Variants in IL7R observed in about 807,000 individuals in gnomAD.
IL7R encodes interleukin-7 receptor subunit alpha.
IL7R carries 38 observed loss-of-function variants against 47.0 expected under a neutral mutation model. The observed-to-expected ratio is 0.81, with a 90% CI of 0.62 to 1.06. The LOEUF (loss-of-function observed/expected upper bound fraction) is 1.06, where lower values mean the gene tolerates loss of function less well. Among genes scored for constraint, IL7R ranks in the 50% least tolerant of loss-of-function variants. The pLI is 0.00. For synonymous variants in IL7R, 221 were observed against 199.8 expected (o/e 1.11, Z -0.89); for missense variants, 633 against 534.8 (o/e 1.18, Z -1.81).
chr5:35,873,280 C>A, intron 4 of IL7R, 200 bp from the exon 5 acceptor site: 1 of 623,898 alleles, frequency 1.6e-6, no homozygotes, highest in Admixed American at 2.4e-5. Context: ...TGACCACTCA[C>A]AACATCCTTT....
intron 2 of IL7R, among the ~76,000 whole-genome samples, chr5:35,866,084 GTCTT>G (rs1759931694): frequency 6.6e-6 from 1 of 152,058 alleles, no homozygotes; most frequent in Admixed American, 6.6e-5. Flanking sequence ...TTGAGGAAGT[GTCTT>G]TCTATTTCTT....
chr5:35,868,476 G>C (rs914979347), intron 3 of IL7R, among the ~76,000 whole-genome samples: 1 of 152,208 alleles, frequency 6.6e-6, no homozygotes, highest in African/African-American at 2.4e-5. Context: ...TAGTAGAAAA[G>C]AGACATTAGG....
At chr5:35,863,007 C>T (rs760835767) in intron 2 of IL7R, among the ~76,000 whole-genome samples, 1 of 152,014 alleles carries the variant, frequency 6.6e-6, no homozygotes, top group Non-Finnish European at 1.5e-5. Context: ...ATCTGTCTAG[C>T]TTACCCAAAA....
At position 35,877,246 on chromosome 5, in the gene IL7R, T is replaced by C. The variant is rs1760242508; in HGVS notation, c.*760T>C. ...CGGGACAATGAGCAAAAACTAGGAC[T>C]GTCCCCAGACAAATGTGAACATACA... On this transcript the variant is annotated 3_prime_UTR_variant, in exon 8 of 8. Transcript: ENST00000303115. 3 of 233,110 alleles carry C rather than the reference T, an allele frequency of 1.3e-5. No individual in the cohort carries two copies. The highest frequency in any genetic ancestry group is 3.6e-4 in the South Asian group (2 of 5,526). 14.4% of individuals were successfully genotyped at this position (233,110 alleles called of 1,614,324 possible). A position where few individuals can be genotyped will look rare whatever the true frequency, so the allele number is the denominator to read the frequency against.
rs1760292325 is a variant in IL7R at position 35,879,264 on chromosome 5, C to T, written c.*2778C>T. The T allele has an allele frequency of 4.3e-6, 1 of 232,738 alleles. No individual in the cohort carries two copies. Among genetic ancestry groups the T allele is most frequent in the South Asian group, 1.8e-4 (1 of 5,536 alleles). 14.4% of individuals were successfully genotyped at this position (232,738 alleles called of 1,614,324 possible). ...TTGCCTCTTCCTTCAATGTGGTTTCCATGGGAATTTGCTTCAGAAAAGCCA... is the reference window on the plus strand; with the variant it reads ...TTGCCTCTTCCTTCAATGTGGTTTCTATGGGAATTTGCTTCAGAAAAGCCA... On this transcript the variant is annotated 3_prime_UTR_variant, in exon 8 of 8. Coordinates refer to ENST00000303115, the MANE Select transcript of IL7R (RefSeq NM_002185.5).
intron 2 of IL7R, 47 bp from the exon 3 acceptor site, chr5:35,867,259 A>G (rs376477560): frequency 1.9e-6 from 3 of 1,550,340 alleles, no homozygotes; most frequent in African/African-American, 1.4e-5. Flanking sequence ...CACTGCATAC[A>G]GGAACTCCTA....
Position 35,878,579 on chromosome 5 carries a change from T to C in IL7R, c.*2093T>C, listed in dbSNP as rs1414369525. On this transcript the variant is annotated 3_prime_UTR_variant, in exon 8 of 8. Coordinates refer to ENST00000303115, the MANE Select transcript of IL7R (RefSeq NM_002185.5). ...TGTAGGCAGCAGAAGACATTTTTCATCAGTGGGCAGGTGTTCTTTACCTTT... is the reference window on the plus strand; with the variant it reads ...TGTAGGCAGCAGAAGACATTTTTCACCAGTGGGCAGGTGTTCTTTACCTTT... 2.6e-5 allele frequency: 6 copies of C among 232,852 alleles called. No individual in the cohort carries two copies. In the Admixed American group the frequency reaches 2.8e-4, roughly 11 times the overall value. 14.4% of individuals were successfully genotyped at this position (232,852 alleles called of 1,614,324 possible). A position where few individuals can be genotyped will look rare whatever the true frequency, so the allele number is the denominator to read the frequency against.
chr5:35,862,277 C>T (rs1011758873), intron 2 of IL7R, among the ~76,000 whole-genome samples: 2 of 152,156 alleles, frequency 1.3e-5, no homozygotes, highest in African/African-American at 4.8e-5. Flanking sequence ...AAATCACTCT[C>T]CCACACGGAG....
chr5:35,867,566 C>T, intron 3 of IL7R, 103 bp downstream of exon 3: 1 of 883,348 alleles, frequency 1.1e-6, no homozygotes, highest in Non-Finnish European at 1.9e-6. Context: ...GTGGAAACAA[C>T]TGGCAATAGA....
chr5:35,872,561 A>G (rs1034940538), intron 4 of IL7R, among the ~76,000 whole-genome samples: 1 of 152,206 alleles, frequency 6.6e-6, no homozygotes, highest in African/African-American at 2.4e-5. Flanking sequence ...ACAACAACAA[A>G]ATACCAGATG....
chr5:35,867,242 A>G (rs1485948287), intron 2 of IL7R, 64 bp from the exon 3 acceptor site: 24 of 1,404,350 alleles, frequency 1.7e-5, no homozygotes, highest in Non-Finnish European at 2.3e-5. Context: ...TGCATATGAT[A>G]CTATTCCACT....
intron 3 of IL7R, 54 bp from the exon 4 acceptor site, chr5:35,871,002 T>C: frequency 1.3e-6 from 2 of 1,506,570 alleles, no homozygotes; most frequent in South Asian, 1.1e-5. Context: ...TTAAATACTA[T>C]AATTATTTCC....
At chr5:35,870,891 T>C (rs1202403605) in intron 3 of IL7R, among the ~76,000 whole-genome samples, 165 bp from the exon 4 acceptor site, 4 of 152,184 alleles carry the variant, frequency 2.6e-5, no homozygotes, top group East Asian at 3.9e-4. Flanking sequence ...GGCTGGAGAA[T>C]GCGGACTGGA....
At position 35,874,632 on chromosome 5, in the gene IL7R, AG is replaced by A; in HGVS notation, c.800+94del. 4.1e-6 allele frequency: 4 copies of A among 966,132 alleles called. No individual in the cohort carries two copies. In the East Asian group the frequency reaches 9.6e-5, roughly 23 times the overall value. 59.8% of individuals were successfully genotyped at this position (966,132 alleles called of 1,614,324 possible). The stretch of plus-strand genomic sequence containing the variant: ...CCATTTATTGATGAGAAAACCACAA[AG>A]GGGATTAAGGCATTTCACGAATTTA... On this transcript the variant is annotated intron_variant, in intron 6 of 7. Coordinates refer to ENST00000303115, the MANE Select transcript of IL7R (RefSeq NM_002185.5).
rs559799468 is a variant in IL7R, at chr5:35,878,881, C to T, written c.*2395C>T. The T allele has an allele frequency of 6.9e-5, 16 of 232,988 alleles. No individual in the cohort carries two copies. In the East Asian group the frequency reaches 9.1e-4, roughly 13 times the overall value. The allele number at this position is 232,988 out of a possible 1,614,324, so 14.4% of individuals were successfully genotyped here. ...ATCGAGATATCTCCAGCTCTAAAAT[C>T]CTTTGTTTCAATGTTGTTTGGCATA... On this transcript the variant is annotated 3_prime_UTR_variant, in exon 8 of 8. Coordinates refer to ENST00000303115, the MANE Select transcript of IL7R (RefSeq NM_002185.5).
intron 4 of IL7R, 61 bp from the exon 5 acceptor site, chr5:35,873,419 G>C: frequency 7.5e-7 from 1 of 1,341,004 alleles, no homozygotes; most frequent in Non-Finnish European, 1.1e-6. Context: ...GAAATGATTT[G>C]GGAGATTTAG....
rs201207454 is a variant in IL7R, at chr5:35,867,460, A to C, written c.376A>C (p.Ile126Leu). 6.1e-5 allele frequency: 98 copies of C among 1,611,288 alleles called. 1 individual carries two copies. Among genetic ancestry groups the C allele is most frequent in the Middle Eastern group, 3.3e-4 (2 of 6,080 alleles). ...LTCKKIDLTTIVKPEAPFDLS... is the reference protein window; with the variant it reads ...LTCKKIDLTTLVKPEAPFDLS... ...CTGCAAAAAAATAGACCTAACCACT[A>C]TAGGTAAGAAGTTGTATATAAAAGT... is the stretch of plus-strand genomic sequence containing the variant. The change falls in exon 3 of 8, where the codon ATA becomes CTA. Residue 126 changes from isoleucine to leucine, a missense_variant. Physicochemically the swap from Ile to Leu is conservative, Grantham distance 5. Transcript: ENST00000303115.
At chr5:35,863,427 C>T (rs79322502) in intron 2 of IL7R, among the ~76,000 whole-genome samples, 7,294 of 152,136 alleles carry the variant, frequency 0.048, 636 homozygotes, top group East Asian at 0.26. Flanking sequence ...TGTGCAGAGT[C>T]CAGGAACCAT....
intron 7 of IL7R, 76 bp from the exon 8 acceptor site, chr5:35,875,907 C>A: frequency 3.4e-6 from 5 of 1,486,284 alleles, no homozygotes; most frequent in Middle Eastern, 1.9e-4. Context: ...ACTCTATAGA[C>A]CTACTCCTGA....
Sources: allele counts gnomAD v4.1 joint callset (sites outside exome capture counted in the v4.1 genomes callset), GRCh38; gene constraint gnomAD v4.1.1; transcripts MANE v1.5; gene names NCBI Gene and HGNC (gene_info 2026-07-23, HGNC 2026-07-21).